Variants in PPP5C observed in about 807,000 individuals in gnomAD.
PPP5C encodes the protein protein phosphatase 5 catalytic subunit.
In PPP5C, 21 loss-of-function variants were observed where a neutral mutation model predicts 66.7. The ratio of observed to expected loss-of-function variants is 0.31; its 90% CI spans 0.22 to 0.45. PPP5C has a LOEUF of 0.45. Ranked by LOEUF, PPP5C falls within the 20% of genes least tolerant of loss-of-function variation. The probability of loss-of-function intolerance (pLI) is 1.00; values close to 1 mark genes in which losing one functional copy is unlikely to be tolerated. For missense variants in PPP5C, 464 were observed against 675.9 expected (o/e 0.69, Z 3.48); for synonymous variants, 246 against 257.4 (o/e 0.96, Z 0.43).
At chr19:46,366,459 C>T (rs1972493078) in intron 2 of PPP5C, among the ~76,000 whole-genome samples, 1 of 152,126 alleles carries the variant, frequency 6.6e-6, no homozygotes, top group Non-Finnish European at 1.5e-5. Flanking sequence ...GATCCTCCCA[C>T]CTCAGCCTCC....
rs113995469 is a variant in PPP5C, at chr19:46,377,772, T to C, written c.633+1198T>C. Among the ~76,000 whole-genome samples the C allele has an allele frequency of 2.9e-3, 440 of 152,366 alleles. 3 individuals are homozygous for C. The highest frequency in any genetic ancestry group is 0.01 in the African/African-American group (422 of 41,594). On this transcript the variant is annotated intron_variant, in intron 4 of 12. Coordinates refer to ENST00000012443, the MANE Select transcript of PPP5C (RefSeq NM_006247.4). Reference sequence around the variant, plus strand: ...ATGGGCTTACAGCGTTTAGTGTCTCTTCTTTCATGTGGCACAATGTGTGTG... The same window carrying C: ...ATGGGCTTACAGCGTTTAGTGTCTCCTCTTTCATGTGGCACAATGTGTGTG...
chr19:46,349,773 G>A (rs1188307573), intron 1 of PPP5C, among the ~76,000 whole-genome samples: 1 of 151,954 alleles, frequency 6.6e-6, no homozygotes, highest in African/African-American at 2.4e-5. Flanking sequence ...CAGGCTGGAG[G>A]GACAGAAATA....
chr19:46,383,514 G>C lies in PPP5C; in HGVS notation c.699+38G>C. Reference sequence around the variant, plus strand: ...GGGCAGTGCGGGGAGGGCCAGCGGGGGTGGGCTCTCTGGCTGGGGAGGGGC... The same window carrying C: ...GGGCAGTGCGGGGAGGGCCAGCGGGCGTGGGCTCTCTGGCTGGGGAGGGGC... On this transcript the variant is annotated intron_variant, in intron 5 of 12. Transcript: ENST00000012443. This position sits in a 1 kb window ranked among gnomAD's most constrained non-coding sequence, Gnocchi z 5.0. 6.4e-7 allele frequency: 1 copy of C among 1,554,902 alleles called. No homozygotes were observed. The highest frequency in any genetic ancestry group is 8.8e-7 in the Non-Finnish European group (1 of 1,142,044).
At chr19:46,356,032 G>A (rs751149354) in intron 2 of PPP5C, among the ~76,000 whole-genome samples, 4 of 152,156 alleles carry the variant, frequency 2.6e-5, no homozygotes, top group African/African-American at 9.7e-5. Flanking sequence ...GCCCAGTCTA[G>A]GGCCCAACCC....
At chr19:46,368,717 C>G (rs1377224029) in intron 2 of PPP5C, among the ~76,000 whole-genome samples, 1 of 152,128 alleles carries the variant, frequency 6.6e-6, no homozygotes, top group Middle Eastern at 3.2e-3. Context: ...ACCCCTCCCA[C>G]TCTCCCCCTT....
chr19:46,354,055 G>A, intron 2 of PPP5C, 66 bp downstream of exon 2: 2 of 1,566,208 alleles, frequency 1.3e-6, no homozygotes, highest in Non-Finnish European at 1.7e-6. Context: ...GGGCTGGCGG[G>A]GACGGGTGTG....
intron 7 of PPP5C, among the ~76,000 whole-genome samples, chr19:46,386,392 G>T (rs573343112): frequency 6.6e-6 from 1 of 152,188 alleles, no homozygotes; most frequent in Non-Finnish European, 1.5e-5. Flanking sequence ...TCCAGCACAG[G>T]GTCAAAGCTC....
intron 1 of PPP5C, among the ~76,000 whole-genome samples, chr19:46,353,543 A>C (rs1972228713): frequency 6.6e-6 from 1 of 151,972 alleles, no homozygotes; most frequent in African/African-American, 2.4e-5. Flanking sequence ...GGGTGTGTGG[A>C]GTCCTGGAGA....
chr19:46,383,215 A>G lies in PPP5C; in HGVS notation c.634-196A>G, dbSNP rs1402900115. 9 of 1,534,766 alleles carry G rather than the reference A, an allele frequency of 5.9e-6. No homozygotes were observed. Among genetic ancestry groups the G allele is most frequent in the Non-Finnish European group, 7.9e-6 (9 of 1,143,778 alleles). On this transcript the variant is annotated intron_variant, in intron 4 of 12. Transcript: ENST00000012443. This position sits in a 1 kb window ranked among gnomAD's most constrained non-coding sequence, Gnocchi z 5.0. ...AACAATCGCAATGCTTCGGCACTGC[A>G]CAGGCCACAGAAGCCTGCGGCTGCC...
At chr19:46,366,950 C>T (rs541885429) in intron 2 of PPP5C, among the ~76,000 whole-genome samples, 19 of 152,306 alleles carry the variant, frequency 1.2e-4, no homozygotes, top group Admixed American at 3.3e-4. Flanking sequence ...CCACCCTTTT[C>T]GAAGGGACAT....
At chr19:46,355,411 C>G (rs932114883) in intron 2 of PPP5C, among the ~76,000 whole-genome samples, 2 of 152,100 alleles carry the variant, frequency 1.3e-5, no homozygotes, top group Non-Finnish European at 2.9e-5. Context: ...CTGAGAAGCA[C>G]GAGTCTGCAG....
Position 46,388,775 on chromosome 19 carries a change from G to A in PPP5C, c.1355+44G>A, listed in dbSNP as rs1972937573. On this transcript the variant is annotated intron_variant, in intron 11 of 12. Coordinates refer to ENST00000012443, the MANE Select transcript of PPP5C (RefSeq NM_006247.4). The surrounding 1 kb of genome is among the most constrained non-coding windows in gnomAD (Gnocchi z 4.9). ...AGCCCAGGGCCTCTACCAAGCCACGGGTTTTTGTCTTGGTTTTTGTTTTGC... is the reference window on the plus strand; with the variant it reads ...AGCCCAGGGCCTCTACCAAGCCACGAGTTTTTGTCTTGGTTTTTGTTTTGC... The A allele has an allele frequency of 1.3e-6, 2 of 1,581,926 alleles. No individual in the cohort carries two copies. The highest frequency in any genetic ancestry group is 1.8e-5 in the Admixed American group (1 of 54,646).
intron 7 of PPP5C, chr19:46,386,749 A>G: frequency 3.1e-6 from 1 of 318,220 alleles, no homozygotes; most frequent in Non-Finnish European, 6.1e-6. Context: ...AGTAGCTGGC[A>G]CTATAGGCAC....
chr19:46,390,532 G>A lies in PPP5C; in HGVS notation c.*186G>A. 1 of 1,440,992 alleles carries A rather than the reference G, an allele frequency of 6.9e-7. No homozygotes were observed. The highest frequency in any genetic ancestry group is 1.4e-5 in the South Asian group (1 of 70,342). 89.3% of individuals were successfully genotyped at this position (1,440,992 alleles called of 1,614,324 possible). A position where few individuals can be genotyped will look rare whatever the true frequency, so the allele number is the denominator to read the frequency against. ...GGGCAGAGTCAGGGGCTGGCCAGAG[G>A]GTCTGCTCCCTGGACAGAGAGGAAG... On this transcript the variant is annotated 3_prime_UTR_variant, in exon 13 of 13. Transcript: ENST00000012443.
chr19:46,359,577 CAG>C (rs757896967), intron 2 of PPP5C, among the ~76,000 whole-genome samples: 2 of 152,136 alleles, frequency 1.3e-5, no homozygotes, highest in Non-Finnish European at 2.9e-5. Flanking sequence ...AATCTAAACA[CAG>C]ATGTGCAACT....
At chr19:46,386,298 C>T (rs1050870095) in intron 7 of PPP5C, among the ~76,000 whole-genome samples, 41 of 152,198 alleles carry the variant, frequency 2.7e-4, no homozygotes, top group African/African-American at 9.1e-4. Context: ...ATGGCGGGGC[C>T]GGGGTGAGTT....
At chr19:46,348,073 G>C (rs1309377716) in intron 1 of PPP5C, among the ~76,000 whole-genome samples, 1 of 152,110 alleles carries the variant, frequency 6.6e-6, no homozygotes. Flanking sequence ...AGGGTAGTGG[G>C]GGAAGGCCTT....
At chr19:46,380,892 T>A (rs975911135) in intron 4 of PPP5C, among the ~76,000 whole-genome samples, 1 of 151,774 alleles carries the variant, frequency 6.6e-6, no homozygotes, top group African/African-American at 2.4e-5. Context: ...TTTTTGAGTC[T>A]GTGGGTTAAT....
chr19:46,367,567 C>G (rs1435177899), intron 2 of PPP5C, among the ~76,000 whole-genome samples: 1 of 152,184 alleles, frequency 6.6e-6, no homozygotes, highest in Non-Finnish European at 1.5e-5. Flanking sequence ...TTAAAACCCA[C>G]TCACCCACAC....
Sources: allele counts gnomAD v4.1 joint callset (sites outside exome capture counted in the v4.1 genomes callset), GRCh38; gene constraint gnomAD v4.1.1; non-coding constraint Gnocchi (gnomAD v3.1); transcripts MANE v1.5; gene names NCBI Gene and HGNC (gene_info 2026-07-23, HGNC 2026-07-21).